CSMD1: variants seen among roughly 807,000 people sequenced by gnomAD.
The protein encoded by CSMD1 is CUB and Sushi multiple domains 1.
A neutral mutation model predicts 417.5 loss-of-function variants in CSMD1; 213 were observed. That is an observed-to-expected ratio of 0.51 (90% CI 0.46 to 0.57). CSMD1 has a LOEUF of 0.57. Ranked by LOEUF, CSMD1 falls within the 20% of genes least tolerant of loss-of-function variation. The pLI, the probability that CSMD1 is intolerant of heterozygous loss-of-function variation, is 0.00. For missense variants in CSMD1, 6,923 were observed against 4,529.7 expected, an observed-to-expected ratio of 1.53 and a Z score of -15.17; for synonymous variants, 2,862 against 1,736.8, an observed-to-expected ratio of 1.65 and a Z score of -16.11.
chr8:3,941,792 C>A (rs1206394751), intron 5 of CSMD1, among the ~76,000 whole-genome samples: 1 of 152,112 alleles, frequency 6.6e-6, no homozygotes, highest in Admixed American at 6.5e-5. Context: ...AATTTTTCCT[C>A]TGTTCCCTCA....
At chr8:3,263,999 C>G (rs1310269203) in intron 26 of CSMD1, among the ~76,000 whole-genome samples, 1 of 152,086 alleles carries the variant, frequency 6.6e-6, no homozygotes, top group African/African-American at 2.4e-5. Context: ...CTGAAAGATC[C>G]TTAATTTGTT....
chr8:4,326,861 G>C (rs1799591040), intron 3 of CSMD1, among the ~76,000 whole-genome samples: 1 of 152,134 alleles, frequency 6.6e-6, no homozygotes. Flanking sequence ...GAAGCTTTGG[G>C]AAAGATTTAA....
intron 23 of CSMD1, among the ~76,000 whole-genome samples, chr8:3,317,064 A>C (rs996892584): frequency 6.6e-6 from 1 of 152,112 alleles, no homozygotes; most frequent in Non-Finnish European, 1.5e-5. Flanking sequence ...GACACAGAAG[A>C]CTCAGTAGAT....
At chr8:3,343,199 G>T in intron 23 of CSMD1, 95 bp downstream of exon 23, 2 of 1,118,004 alleles carry the variant, frequency 1.8e-6, no homozygotes, top group South Asian at 1.5e-5. Flanking sequence ...TAGGCAGCCA[G>T]AAAAAAATCA....
At chr8:3,781,765 G>C (rs1799199875) in intron 5 of CSMD1, among the ~76,000 whole-genome samples, 1 of 152,078 alleles carries the variant, frequency 6.6e-6, no homozygotes, top group Non-Finnish European at 1.5e-5. Flanking sequence ...AGACAACAGA[G>C]GGCTTAGAAA....
At chr8:4,087,840 A>T (rs1800500812) in intron 3 of CSMD1, among the ~76,000 whole-genome samples, 1 of 152,110 alleles carries the variant, frequency 6.6e-6, no homozygotes, top group African/African-American at 2.4e-5. Flanking sequence ...CTAGCATAAT[A>T]ATGCCTACCT....
At chr8:3,974,261 TTTTC>T (rs1813271875) in intron 5 of CSMD1, among the ~76,000 whole-genome samples, 2 of 151,924 alleles carry the variant, frequency 1.3e-5, no homozygotes, top group African/African-American at 2.4e-5. Context: ...AAATAATTAT[TTTTC>T]TTTGATTTTT....
chr8:3,817,362 C>T lies in CSMD1; in HGVS notation c.819-63320G>A, dbSNP rs894196047. Reference sequence around the variant, plus strand: ...GTGGCGGGATCTTGGCTCACTGCAACGTCCTCCTACCAGGTTCAAGTTATT... The same window carrying T: ...GTGGCGGGATCTTGGCTCACTGCAATGTCCTCCTACCAGGTTCAAGTTATT... On this transcript the variant is annotated intron_variant, in intron 5 of 69. Transcript: ENST00000635120. Among the ~76,000 whole-genome samples, 4 of 137,210 alleles carry T rather than the reference C, an allele frequency of 2.9e-5. No individual in the cohort carries two copies. In the South Asian group the frequency reaches 7.2e-4, roughly 25 times the overall value. The allele number at this position is 137,210 out of a possible 152,430, so 90.0% of individuals were successfully genotyped here. A position where few individuals can be genotyped will look rare whatever the true frequency, so the allele number is the denominator to read the frequency against.
At position 4,234,779 on chromosome 8, in the gene CSMD1, C is replaced by G. The variant is rs372789556; in HGVS notation, c.415+185174G>C. The stretch of plus-strand genomic sequence containing the variant: ...TCCCAGAACAAAAGATCTGGGCTAA[C>G]TTGCCCCCAGATAATCATGAGAAAC... On this transcript the variant is annotated intron_variant, in intron 3 of 69. Transcript: ENST00000635120. 6.6e-5 allele frequency among the ~76,000 whole-genome samples: 10 copies of G among 152,296 alleles called. No homozygotes were observed. The East Asian group carries it at 1.7e-3, about 26-fold the overall frequency.
At chr8:3,034,667 A>ACAT (rs1810555511) in intron 50 of CSMD1, among the ~76,000 whole-genome samples, 1 of 152,214 alleles carries the variant, frequency 6.6e-6, no homozygotes, top group Non-Finnish European at 1.5e-5. Context: ...TTATTTAGGA[A>ACAT]GACTAGGATG....
In CSMD1 at chr8:3,574,949, T is replaced by G. The variant is rs376057214; in HGVS notation, c.1340A>C (p.Asp447Ala). 1 of 1,612,176 alleles carries G rather than the reference T, an allele frequency of 6.2e-7. No homozygotes were observed. Residue 447 changes from aspartate (D) to alanine (A), a missense_variant, in exon 10 of 70, where the codon GAC becomes GCC. Physicochemically the swap from Asp to Ala is moderately radical, Grantham distance 126. Coordinates refer to ENST00000635120, the MANE Select transcript of CSMD1 (RefSeq NM_033225.6). ...CVWVITTTDP[D>A]KVIKLAFEEF... ...GGGTTGGAGGCGGAGCCTTACCTTG[T>G]CCGGGTCGGTGGTGGTGATGACCCA...
Position 3,411,683 on chromosome 8 carries a change from T to TGTATATATACACACGTATATATACAC in CSMD1, c.1562-2104_1562-2079dup, listed in dbSNP as rs1812712763. Reference sequence around the variant, plus strand: ...ATATATATATACGTGTATATATACGTGTATATATACACACGTATATATACA... The same window carrying TGTATATATACACACGTATATATACAC: ...ATATATATATACGTGTATATATACGTGTATATATACACACGTATATATACACGTATATATACACACGTATATATACA... On this transcript the variant is annotated intron_variant, in intron 12 of 69. Coordinates refer to ENST00000635120, the MANE Select transcript of CSMD1 (RefSeq NM_033225.6). 1.2e-4 allele frequency among the ~76,000 whole-genome samples: 8 copies of TGTATATATACACACGTATATATACAC among 64,258 alleles called. 1 individual carries two copies. Among genetic ancestry groups the TGTATATATACACACGTATATATACAC allele is most frequent in the Non-Finnish European group, 1.7e-4 (5 of 30,234 alleles). The allele number at this position is 64,258 out of a possible 152,430, so 42.2% of individuals were successfully genotyped here.
chr8:4,321,185 T>C (rs1799253991), intron 3 of CSMD1, among the ~76,000 whole-genome samples: 1 of 152,064 alleles, frequency 6.6e-6, no homozygotes, highest in African/African-American at 2.4e-5. Context: ...GATCAAAGTG[T>C]AGGGTTCAAC....
chr8:4,084,334 A>T (rs77617595), intron 3 of CSMD1, among the ~76,000 whole-genome samples: 1 of 12,578 alleles, frequency 8.0e-5, no homozygotes, highest in African/African-American at 1.5e-4. Flanking sequence ...GTTAAAAAAG[A>T]AAAAAAAAAA....
chr8:4,162,124 C>G (rs1017602731), intron 3 of CSMD1, among the ~76,000 whole-genome samples: 1 of 152,190 alleles, frequency 6.6e-6, no homozygotes, highest in Admixed American at 6.5e-5. Flanking sequence ...TTACATGATT[C>G]TAAATAAACT....
chr8:4,705,485 C>T (rs1480535768), intron 1 of CSMD1, among the ~76,000 whole-genome samples: 2 of 152,150 alleles, frequency 1.3e-5, no homozygotes, highest in South Asian at 2.1e-4. Flanking sequence ...TGTACAATTG[C>T]AATTATCCTC....
intron 1 of CSMD1, among the ~76,000 whole-genome samples, chr8:4,709,946 C>A (rs924908848): frequency 1.1e-4 from 17 of 152,090 alleles, no homozygotes; most frequent in African/African-American, 4.1e-4. Flanking sequence ...AAAACAGGGT[C>A]TTGGAAGAAA....
chr8:3,716,099 C>T (rs1302928385), intron 6 of CSMD1, among the ~76,000 whole-genome samples: 1 of 152,242 alleles, frequency 6.6e-6, no homozygotes, highest in Non-Finnish European at 1.5e-5. Context: ...CCTGAAAGCA[C>T]TTTCTGCCCT....
intron 3 of CSMD1, among the ~76,000 whole-genome samples, chr8:4,349,282 T>A (rs529007778): frequency 3.9e-5 from 6 of 152,178 alleles, no homozygotes; most frequent in Non-Finnish European, 7.3e-5. Context: ...AAACAATTTT[T>A]GCAGCAGTGG....
Sources: gnomAD v4.1 joint callset for allele counts (sites outside exome capture counted in the v4.1 genomes callset) on GRCh38, gnomAD v4.1.1 for gene constraint, MANE v1.5 for transcripts, NCBI Gene and HGNC (gene_info 2026-07-23, HGNC 2026-07-21) for gene names.